ZNF713: variants seen among roughly 807,000 people sequenced by gnomAD.
ZNF713 encodes the protein zinc finger protein 713.
In ZNF713, 21 loss-of-function variants were observed where a neutral mutation model predicts 28.7. That is an observed-to-expected ratio of 0.73 (90% CI 0.52 to 1.05). ZNF713 has a LOEUF of 1.05. Among genes scored for constraint, ZNF713 ranks in the 50% least tolerant of loss-of-function variants. The probability of loss-of-function intolerance (pLI) is 0.00; values close to 1 mark genes in which losing one functional copy is unlikely to be tolerated. For synonymous variants in ZNF713, 167 were observed against 178.0 expected, an observed-to-expected ratio of 0.94 and a Z score of 0.49; for missense variants, 458 against 532.4, an observed-to-expected ratio of 0.86 and a Z score of 1.37.
intron 4 of ZNF713, among the ~76,000 whole-genome samples, chr7:55,919,470 A>ATTG (rs78923785): frequency 2.0e-4 from 1 of 5,082 alleles, no homozygotes; most frequent in Non-Finnish European, 2.8e-4. Context: ...GTGTAGCTGG[A>ATTG]TAAATTGGTA....
In ZNF713 at chr7:55,939,739, A is replaced by T; in HGVS notation, c.1065A>T (p.Thr355=). Residue 355 remains threonine (T), a synonymous_variant, in exon 7 of 7, where the codon ACA becomes ACT. Coordinates refer to ENST00000429591, the MANE Select transcript of ZNF713 (RefSeq NM_182633.3). The part of the protein sequence containing the change: ...NQCGKAFSRI[T]SLTEHHRLHT... ...GTGGTAAAGCTTTTAGCCGCATCAC[A>T]TCCCTTACTGAACATCATAGACTTC... The T allele has an allele frequency of 6.2e-7, 1 of 1,614,224 alleles. No homozygotes were observed. Among genetic ancestry groups the T allele is most frequent in the Non-Finnish European group, 8.5e-7 (1 of 1,180,036 alleles).
rs1785788070 is a variant in ZNF713, at chr7:55,911,724, A to AT, written c.-347_-346insT. 6.6e-6 allele frequency: 1 copy of AT among 152,172 alleles called. No homozygotes were observed. The allele number at this position is 152,172 out of a possible 1,614,324, so 9.4% of individuals were successfully genotyped here. Reference sequence around the variant, plus strand: ...TGATGCTTTTAGGGAGGAAAAAAAAAGGTAATAACAACCTTCAAGAGCCCC... The same window carrying AT: ...TGATGCTTTTAGGGAGGAAAAAAAAATGGTAATAACAACCTTCAAGAGCCCC... On this transcript the variant is annotated 5_prime_UTR_variant, in exon 3 of 7. In the 5' UTR this introduces an upstream ATG that the reference lacks. Transcript: ENST00000429591.
At chr7:55,931,528 C>T (rs1175252874) in intron 6 of ZNF713, among the ~76,000 whole-genome samples, 1 of 150,916 alleles carries the variant, frequency 6.6e-6, no homozygotes, top group Non-Finnish European at 1.5e-5. Flanking sequence ...AAATTGTTTT[C>T]CCCCTTCCCT....
chr7:55,933,048 T>G (rs184449492), intron 6 of ZNF713, among the ~76,000 whole-genome samples: 1 of 151,132 alleles, frequency 6.6e-6, no homozygotes, highest in African/African-American at 2.4e-5. Context: ...CCAGCCTGAC[T>G]AACATGGTGA....
intron 1 of ZNF713, among the ~76,000 whole-genome samples, chr7:55,895,599 G>A (rs1200480515): frequency 6.6e-6 from 1 of 151,386 alleles, no homozygotes; most frequent in Non-Finnish European, 1.5e-5. Context: ...CTCCCGAGTA[G>A]CTGGGATTAC....
intron 4 of ZNF713, among the ~76,000 whole-genome samples, chr7:55,921,027 A>G (rs921286098): frequency 1.3e-5 from 2 of 152,134 alleles, no homozygotes; most frequent in African/African-American, 4.8e-5. Context: ...GCTGGAGCCA[A>G]TGTTCATATT....
chr7:55,895,879 G>C (rs184340546), intron 1 of ZNF713, among the ~76,000 whole-genome samples: 35 of 152,264 alleles, frequency 2.3e-4, no homozygotes, highest in African/African-American at 8.2e-4. Context: ...GGAAGTGGAA[G>C]CCTGGAAAGG....
intron 6 of ZNF713, among the ~76,000 whole-genome samples, chr7:55,928,041 A>G (rs1786136139): frequency 6.6e-6 from 1 of 152,044 alleles, no homozygotes; most frequent in Non-Finnish European, 1.5e-5. Flanking sequence ...TTCACACATC[A>G]TGACTTCTGT....
intron 6 of ZNF713, among the ~76,000 whole-genome samples, chr7:55,926,197 C>A (rs542484651): frequency 2.6e-5 from 4 of 152,238 alleles, no homozygotes; most frequent in African/African-American, 9.6e-5. Flanking sequence ...GGAATCCCAG[C>A]TACTCGGGAG....
At chr7:55,904,629 A>G (rs1335319481) in intron 1 of ZNF713, among the ~76,000 whole-genome samples, 1 of 152,078 alleles carries the variant, frequency 6.6e-6, no homozygotes, top group African/African-American at 2.4e-5. Context: ...TAGAGAAAGT[A>G]TTGACAATTT....
chr7:55,913,584 C>G (rs1785827849), intron 4 of ZNF713, among the ~76,000 whole-genome samples: 1 of 152,196 alleles, frequency 6.6e-6, no homozygotes, highest in Non-Finnish European at 1.5e-5. Flanking sequence ...TCTATGAAAA[C>G]TAGTCGAATG....
intron 2 of ZNF713, among the ~76,000 whole-genome samples, chr7:55,909,223 T>C (rs551312559): frequency 3.0e-4 from 43 of 143,194 alleles, no homozygotes; most frequent in African/African-American, 1.1e-3. Context: ...AAAAAAAAGA[T>C]AGGAGTCCGG....
At chr7:55,889,685 C>CT (rs201782435) in intron 1 of ZNF713, among the ~76,000 whole-genome samples, 49 of 137,138 alleles carry the variant, frequency 3.6e-4, no homozygotes, top group South Asian at 7.5e-4. Context: ...CACCCATGCA[C>CT]TTTTTTTTTA....
intron 1 of ZNF713, among the ~76,000 whole-genome samples, chr7:55,903,834 T>G (rs964538615): frequency 2.0e-5 from 3 of 152,018 alleles, no homozygotes; most frequent in Non-Finnish European, 4.4e-5. Context: ...CAGGTCCGTG[T>G]GAATGAAGCC....
chr7:55,888,427 G>C (rs549889582), intron 1 of ZNF713, among the ~76,000 whole-genome samples: 71 of 152,224 alleles, frequency 4.7e-4, no homozygotes, highest in Non-Finnish European at 7.8e-4. Flanking sequence ...TTATCACCCA[G>C]GCTGCAGTGC....
chr7:55,900,999 TAA>T (rs1562737144), intron 1 of ZNF713, among the ~76,000 whole-genome samples: 1 of 152,220 alleles, frequency 6.6e-6, no homozygotes, highest in African/African-American at 2.4e-5. Context: ...TCAAAATTAC[TAA>T]AAGAGTAGAT....
intron 1 of ZNF713, among the ~76,000 whole-genome samples, chr7:55,902,070 A>G (rs192077259): frequency 3.9e-5 from 6 of 152,288 alleles, no homozygotes; most frequent in Admixed American, 3.9e-4. Flanking sequence ...GTGTGCCTAT[A>G]ATCCCAGCTG....
rs1470727284 is a variant in ZNF713 at position 55,887,841 on chromosome 7, G to C, written c.-583+161G>C. Among the ~76,000 whole-genome samples the C allele has an allele frequency of 3.8e-3, 41 of 10,906 alleles. 13 individuals are homozygous for C. The highest frequency in any genetic ancestry group is 0.013 in the African/African-American group (34 of 2,566). 7.2% of individuals were successfully genotyped at this position (10,906 alleles called of 152,430 possible). On this transcript the variant is annotated intron_variant, in intron 1 of 6. Transcript: ENST00000429591. The stretch of plus-strand genomic sequence containing the variant: ...GCGGGCGGCGGGCGGCGGGCGGCGG[G>C]CGGCGGCGGCGGCGGGCGGCGGGCG...
intron 4 of ZNF713, among the ~76,000 whole-genome samples, chr7:55,917,269 A>AC (rs982790213): frequency 9.9e-5 from 15 of 151,514 alleles, no homozygotes; most frequent in South Asian, 2.1e-4. Flanking sequence ...GGAAAAAAAA[A>AC]AACAACAAAC....
Sources: gnomAD v4.1 joint callset for allele counts (sites outside exome capture counted in the v4.1 genomes callset) on GRCh38, gnomAD v4.1.1 for gene constraint, MANE v1.5 for transcripts, NCBI Gene and HGNC (gene_info 2026-07-23, HGNC 2026-07-21) for gene names.